Variants in AGBL1 observed in about 807,000 individuals in gnomAD.
AGBL1 encodes cytosolic carboxypeptidase 4.
In AGBL1, 130 loss-of-function variants were observed where a neutral mutation model predicts 118.9. The ratio of observed to expected loss-of-function variants is 1.09; its 90% CI spans 0.95 to 1.26. The LOEUF is 1.26. Ranked by LOEUF, AGBL1 falls within the 50% of genes most tolerant of loss-of-function variation. The probability of loss-of-function intolerance (pLI) is 0.00; values close to 1 mark genes in which losing one functional copy is unlikely to be tolerated. For missense variants in AGBL1, 1,584 were observed against 1,298.1 expected, an observed-to-expected ratio of 1.22 and a Z score of -3.38; for synonymous variants, 555 against 478.9, an observed-to-expected ratio of 1.16 and a Z score of -2.08.
intron 22 of AGBL1, among the ~76,000 whole-genome samples, chr15:86,899,605 A>G (rs2080183169): frequency 6.6e-6 from 1 of 152,140 alleles, no homozygotes; most frequent in East Asian, 1.9e-4. Context: ...ATATTTGATA[A>G]TACTTATATA....
At chr15:86,869,629 C>A (rs2079689890) in intron 22 of AGBL1, among the ~76,000 whole-genome samples, 1 of 152,084 alleles carries the variant, frequency 6.6e-6, no homozygotes, top group Non-Finnish European at 1.5e-5. Flanking sequence ...GAAAGTGTTA[C>A]CAAACTTTGC....
At chr15:87,015,494 C>T (rs1399287205) in intron 24 of AGBL1, among the ~76,000 whole-genome samples, 3 of 148,020 alleles carry the variant, frequency 2.0e-5, no homozygotes, top group Non-Finnish European at 4.4e-5. Context: ...GGAAGTCAAA[C>T]CAGTTCACCC....
chr15:86,717,318 G>T (rs887523270), intron 22 of AGBL1, among the ~76,000 whole-genome samples: 4 of 152,010 alleles, frequency 2.6e-5, no homozygotes, highest in African/African-American at 7.2e-5. Flanking sequence ...AAAGCAATGG[G>T]CTAATATGGT....
intron 24 of AGBL1, among the ~76,000 whole-genome samples, chr15:86,989,779 G>T (rs1332138500): frequency 6.6e-6 from 1 of 152,184 alleles, no homozygotes; most frequent in Non-Finnish European, 1.5e-5. Flanking sequence ...TTTTCTATCT[G>T]ATCAAAATGA....
chr15:86,553,458 A>T (rs932158587), intron 20 of AGBL1, among the ~76,000 whole-genome samples: 3 of 152,168 alleles, frequency 2.0e-5, no homozygotes, highest in African/African-American at 7.2e-5. Flanking sequence ...CCCAGAGAGG[A>T]TGGATTTTCA....
At chr15:86,494,671 ACT>A (rs1047302627) in intron 18 of AGBL1, among the ~76,000 whole-genome samples, 5 of 152,220 alleles carry the variant, frequency 3.3e-5, no homozygotes, top group Admixed American at 2.6e-4. Flanking sequence ...ATAAACTCTG[ACT>A]CAGCATTTTT....
At chr15:86,281,032 A>AT (rs1367802579) in intron 16 of AGBL1, among the ~76,000 whole-genome samples, 1 of 152,218 alleles carries the variant, frequency 6.6e-6, no homozygotes, top group Non-Finnish European at 1.5e-5. Context: ...AACAGGCAAC[A>AT]TTCATCTCCC....
At chr15:86,269,732 C>G (rs1205141980) in intron 13 of AGBL1, among the ~76,000 whole-genome samples, 187 bp from the exon 14 acceptor site, 1 of 152,220 alleles carries the variant, frequency 6.6e-6, no homozygotes, top group East Asian at 1.9e-4. Flanking sequence ...AGCCCCCTCA[C>G]CTCCATGAAT....
chr15:86,899,088 C>T (rs749488027), intron 22 of AGBL1, among the ~76,000 whole-genome samples: 13 of 152,072 alleles, frequency 8.5e-5, no homozygotes, highest in African/African-American at 1.4e-4. Flanking sequence ...CACATGCACA[C>T]GAATGTTTAT....
chr15:86,769,958 TAAG>T (rs1203901148), intron 22 of AGBL1, among the ~76,000 whole-genome samples: 2 of 152,060 alleles, frequency 1.3e-5, no homozygotes, highest in South Asian at 4.1e-4. Flanking sequence ...TACCAAGCAT[TAAG>T]AAGATTCCGC....
intron 17 of AGBL1, among the ~76,000 whole-genome samples, chr15:86,344,758 G>A (rs929066897): frequency 3.3e-5 from 5 of 151,986 alleles, no homozygotes; most frequent in Non-Finnish European, 7.4e-5. Flanking sequence ...AGCATGATAA[G>A]CAGTTTCACA....
chr15:86,442,476 C>T (rs974683763), intron 18 of AGBL1, among the ~76,000 whole-genome samples: 5 of 152,190 alleles, frequency 3.3e-5, no homozygotes, highest in African/African-American at 7.2e-5. Flanking sequence ...TTGGGAATGT[C>T]AACCCCGGAG....
intron 17 of AGBL1, among the ~76,000 whole-genome samples, chr15:86,333,020 C>A (rs1042122331): frequency 6.6e-6 from 1 of 152,084 alleles, no homozygotes; most frequent in Non-Finnish European, 1.5e-5. Context: ...ATACCAAAAT[C>A]TTTGGTATAT....
At chr15:87,004,162 T>C (rs1002795040) in intron 24 of AGBL1, among the ~76,000 whole-genome samples, 1 of 152,224 alleles carries the variant, frequency 6.6e-6, no homozygotes, top group African/African-American at 2.4e-5. Flanking sequence ...TCTGGTATGT[T>C]GTGTCTTTGT....
intron 17 of AGBL1, among the ~76,000 whole-genome samples, chr15:86,308,506 G>A (rs2079874135): frequency 6.6e-6 from 1 of 152,138 alleles, no homozygotes; most frequent in Admixed American, 6.5e-5. Flanking sequence ...AATTTCTGTT[G>A]TTTAAGCCAC....
chr15:86,204,647 T>C (rs1288179850), intron 5 of AGBL1, among the ~76,000 whole-genome samples: 6 of 152,162 alleles, frequency 3.9e-5, no homozygotes, highest in Non-Finnish European at 5.9e-5. Context: ...TGGAGTGCAG[T>C]GGTGCAATCT....
chr15:86,743,065 A>C (rs2077702552), intron 22 of AGBL1, among the ~76,000 whole-genome samples: 2 of 152,136 alleles, frequency 1.3e-5, no homozygotes, highest in African/African-American at 4.8e-5. Flanking sequence ...GAATGGATGC[A>C]TTTTGAAGAC....
chr15:87,026,925 G>C (rs1449616105), intron 24 of AGBL1, among the ~76,000 whole-genome samples: 1 of 152,030 alleles, frequency 6.6e-6, no homozygotes, highest in African/African-American at 2.4e-5. Context: ...TCATAAGTGG[G>C]AGCTAAGCTA....
At chr15:86,435,573 G>A (rs766853961) in intron 18 of AGBL1, among the ~76,000 whole-genome samples, 3 of 152,190 alleles carry the variant, frequency 2.0e-5, no homozygotes, top group South Asian at 2.1e-4. Context: ...TTAAGGTTCT[G>A]TGTCATTTTA....
Sources: gnomAD v4.1 joint callset for allele counts (sites outside exome capture counted in the v4.1 genomes callset) on GRCh38, gnomAD v4.1.1 for gene constraint, MANE v1.5 for transcripts, NCBI Gene and HGNC (gene_info 2026-07-23, HGNC 2026-07-21) for gene names.